LUZP2: variants seen among roughly 807,000 people sequenced by gnomAD.
LUZP2 encodes leucine zipper protein 2.
Under a neutral mutation model 51.6 loss-of-function variants are expected in LUZP2, and 52 were observed. The ratio of observed to expected loss-of-function variants is 1.01; its 90% confidence interval spans 0.81 to 1.27. LUZP2 has a LOEUF of 1.27. Among genes scored for constraint, LUZP2 ranks in the 50% most tolerant of loss-of-function variants. LUZP2 has a pLI of 0.00. For synonymous variants in LUZP2, 154 were observed against 137.3 expected (o/e 1.12, Z -0.85); for missense variants, 436 against 395.4 (o/e 1.10, Z -0.87).
intron 4 of LUZP2, among the ~76,000 whole-genome samples, chr11:24,740,500 C>T (rs1463813820): frequency 6.6e-6 from 1 of 152,086 alleles, no homozygotes; most frequent in Non-Finnish European, 1.5e-5. Flanking sequence ...CCTAAAGAAA[C>T]TCATAACTTA....
At chr11:24,533,916 AC>A (rs1275882577) in intron 1 of LUZP2, among the ~76,000 whole-genome samples, 2 of 150,946 alleles carry the variant, frequency 1.3e-5, no homozygotes, top group African/African-American at 2.4e-5. Context: ...CCTCAACATG[AC>A]CCCCGTATCT....
rs370103066 is a variant in LUZP2 at position 24,749,674 on chromosome 11, TAGAC to T, written c.333+11377_333+11380del. 6.6e-5 allele frequency among the ~76,000 whole-genome samples: 10 copies of T among 152,300 alleles called. No homozygotes were observed. The East Asian group carries it at 1.4e-3, about 21-fold the overall frequency. ...AATTATTTTTAGAAGTTAATAGGAA[TAGAC>T]AGACCCTTGAGTCTTCTAACTTTCA... On this transcript the variant is annotated intron_variant, in intron 4 of 11. Transcript: ENST00000336930.
rs971145045 is a variant in LUZP2, at chr11:24,837,063, G to A, written c.397-68928G>A. 7.2e-3 allele frequency among the ~76,000 whole-genome samples: 141 copies of A among 19,652 alleles called. 1 individual carries two copies. Among genetic ancestry groups the A allele is most frequent in the Non-Finnish European group, 0.069 (119 of 1,722 alleles). 12.9% of individuals were successfully genotyped at this position (19,652 alleles called of 152,430 possible). A position where few individuals can be genotyped will look rare whatever the true frequency, so the allele number is the denominator to read the frequency against. On this transcript the variant is annotated intron_variant, in intron 5 of 11. Transcript: ENST00000336930. ...CCTTGGAACTGTTCAAGAATGGTTG[G>A]TAGAATTATGTCCTTCAATGTTCAT... is the stretch of plus-strand genomic sequence containing the variant.
At chr11:24,625,756 T>C (rs1854655481) in intron 1 of LUZP2, among the ~76,000 whole-genome samples, 1 of 151,458 alleles carries the variant, frequency 6.6e-6, no homozygotes, top group African/African-American at 2.4e-5. Context: ...AATCACAGCC[T>C]TCAATTGAAG....
At chr11:24,998,737 G>T (rs1182818913) in intron 9 of LUZP2, among the ~76,000 whole-genome samples, 2 of 152,012 alleles carry the variant, frequency 1.3e-5, no homozygotes, top group African/African-American at 2.4e-5. Flanking sequence ...CTCTCTTTCA[G>T]GTATTCAAAC....
intron 9 of LUZP2, among the ~76,000 whole-genome samples, chr11:25,044,979 T>A (rs1858249554): frequency 6.9e-6 from 1 of 145,672 alleles, no homozygotes; most frequent in Admixed American, 7.1e-5. Context: ...AAACACCACA[T>A]GTTCTCACTC....
At chr11:24,938,706 A>G (rs940541252) in intron 7 of LUZP2, among the ~76,000 whole-genome samples, 4 of 152,072 alleles carry the variant, frequency 2.6e-5, no homozygotes, top group Non-Finnish European at 4.4e-5. Flanking sequence ...ATTTTCACTT[A>G]TTTGAACCCT....
At chr11:24,552,960 T>C (rs1243207775) in intron 1 of LUZP2, among the ~76,000 whole-genome samples, 3 of 151,218 alleles carry the variant, frequency 2.0e-5, no homozygotes, top group Non-Finnish European at 4.4e-5. Context: ...TATTTTAAAT[T>C]ATATATAAAA....
intron 1 of LUZP2, among the ~76,000 whole-genome samples, chr11:24,591,960 C>T (rs1195120109): frequency 6.6e-6 from 1 of 152,132 alleles, no homozygotes; most frequent in African/African-American, 2.4e-5. Flanking sequence ...TACAGTCCAT[C>T]TCAGCGAAGG....
intron 7 of LUZP2, among the ~76,000 whole-genome samples, chr11:24,916,235 A>T (rs1180390675): frequency 1.3e-5 from 2 of 152,032 alleles, no homozygotes; most frequent in African/African-American, 4.8e-5. Context: ...TTGCCCAGAG[A>T]CTTGAGTTAC....
intron 1 of LUZP2, among the ~76,000 whole-genome samples, chr11:24,647,855 T>C (rs751864138): frequency 2.0e-5 from 3 of 151,912 alleles, no homozygotes; most frequent in Non-Finnish European, 4.4e-5. Context: ...TCACCCTCTC[T>C]CTTTTTGAAT....
intron 5 of LUZP2, among the ~76,000 whole-genome samples, chr11:24,812,351 T>TA (rs1487045087): frequency 6.6e-6 from 1 of 152,100 alleles, no homozygotes; most frequent in Non-Finnish European, 1.5e-5. Context: ...CCTGTCTTGT[T>TA]AAAAAAAGAA....
chr11:24,804,259 G>T (rs1313919878), intron 5 of LUZP2, among the ~76,000 whole-genome samples: 3 of 151,912 alleles, frequency 2.0e-5, no homozygotes, highest in African/African-American at 4.8e-5. Flanking sequence ...TGAGAAGGCA[G>T]TAGCCATCTA....
intron 5 of LUZP2, among the ~76,000 whole-genome samples, chr11:24,804,792 C>T (rs1319805115): frequency 6.6e-6 from 1 of 152,038 alleles, no homozygotes; most frequent in Non-Finnish European, 1.5e-5. Context: ...GCCAAGGTGA[C>T]ATATTTTGGT....
At chr11:24,958,360 G>T (rs1441168415) in intron 7 of LUZP2, among the ~76,000 whole-genome samples, 7 of 152,316 alleles carry the variant, frequency 4.6e-5, no homozygotes, top group Non-Finnish European at 1.0e-4. Flanking sequence ...CTAGTTGACA[G>T]TCCCACCAAC....
At chr11:24,656,128 G>A (rs78679360) in intron 1 of LUZP2, among the ~76,000 whole-genome samples, 2 of 152,102 alleles carry the variant, frequency 1.3e-5, no homozygotes, top group East Asian at 1.9e-4. Flanking sequence ...ACAGAAATAG[G>A]TAACTCAAAA....
chr11:24,982,019 T>A (rs930470385), intron 8 of LUZP2, among the ~76,000 whole-genome samples: 1 of 151,868 alleles, frequency 6.6e-6, no homozygotes, highest in Admixed American at 6.6e-5. Context: ...AAGCTCAATA[T>A]CACTAATTAT....
intron 5 of LUZP2, among the ~76,000 whole-genome samples, chr11:24,850,224 C>T (rs1200183196): frequency 6.6e-6 from 1 of 152,080 alleles, no homozygotes; most frequent in Non-Finnish European, 1.5e-5. Context: ...ATGGTATTGC[C>T]TAGGTTTTCT....
chr11:24,787,986 G>T (rs1046935629), intron 5 of LUZP2, among the ~76,000 whole-genome samples: 1 of 151,820 alleles, frequency 6.6e-6, no homozygotes, highest in Non-Finnish European at 1.5e-5. Context: ...TTGGGGCATT[G>T]TCCCCGTAAA....
Sources: allele counts gnomAD v4.1 joint callset (sites outside exome capture counted in the v4.1 genomes callset), GRCh38; gene constraint gnomAD v4.1.1; transcripts MANE v1.5; gene names NCBI Gene and HGNC (gene_info 2026-07-23, HGNC 2026-07-21).